The following COL24A1 variants were observed in gnomAD, a reference collection of about 807,000 sequenced individuals.
The protein encoded by COL24A1 is collagen type XXIV alpha 1 chain, also known as collagen alpha-1(XXIV) chain.
A neutral mutation model predicts 253.9 loss-of-function variants in COL24A1; 224 were observed. That is an observed-to-expected ratio of 0.88 (90% CI 0.79 to 0.99). The LOEUF (loss-of-function observed/expected upper bound fraction) is 0.99, where lower values mean the gene tolerates loss of function less well. Ranked by LOEUF, COL24A1 falls within the 50% of genes least tolerant of loss-of-function variation. The probability of loss-of-function intolerance (pLI) is 0.00; values close to 1 mark genes in which losing one functional copy is unlikely to be tolerated. For synonymous variants in COL24A1, 685 were observed against 673.7 expected (o/e 1.02, Z -0.26); for missense variants, 2,131 against 2,068.5 (o/e 1.03, Z -0.59).
In COL24A1 at chr1:85,966,374, G is replaced by GT. The variant is rs1571399945; in HGVS notation, c.2464-1313_2464-1312insA. The stretch of plus-strand genomic sequence containing the variant: ...TGTGGTAGTTATTTATACAAGTCCA[G>GT]AATTTAACTGGATCAGTTAAATTCT... On this transcript the variant is annotated intron_variant, in intron 22 of 59. Transcript: ENST00000370571. Among the ~76,000 whole-genome samples the GT allele has an allele frequency of 2.0e-5, 3 of 152,164 alleles. No homozygotes were observed. In the East Asian group the frequency reaches 5.8e-4, roughly 29 times the overall value.
intron 24 of COL24A1, among the ~76,000 whole-genome samples, chr1:85,941,144 A>T (rs935184135): frequency 2.0e-5 from 3 of 152,160 alleles, no homozygotes; most frequent in Admixed American, 2.0e-4. Flanking sequence ...ACTAGCAGGA[A>T]TGTTAAGAGA....
At chr1:86,026,459 C>T (rs961088162) in intron 14 of COL24A1, among the ~76,000 whole-genome samples, 1 of 152,170 alleles carries the variant, frequency 6.6e-6, no homozygotes, top group Admixed American at 6.5e-5. Flanking sequence ...GAGTGAGGCT[C>T]ATGAAATCTG....
intron 7 of COL24A1, among the ~76,000 whole-genome samples, chr1:86,072,177 A>T (rs1433987529): frequency 1.3e-5 from 2 of 152,112 alleles, no homozygotes; most frequent in Non-Finnish European, 2.9e-5. Context: ...ACTCCCCTGG[A>T]AAGGAGGCTG....
At chr1:85,832,550 A>G (rs1177152750) in intron 43 of COL24A1, among the ~76,000 whole-genome samples, 1 of 150,466 alleles carries the variant, frequency 6.6e-6, no homozygotes, top group Non-Finnish European at 1.5e-5. Flanking sequence ...GATTCTTCCT[A>G]CCCATGAGCA....
intron 37 of COL24A1, among the ~76,000 whole-genome samples, chr1:85,851,353 G>A (rs546797027): frequency 3.3e-5 from 5 of 151,886 alleles, no homozygotes; most frequent in Admixed American, 6.6e-5. Flanking sequence ...TATTTTTCCC[G>A]TTGGTTAATG....
intron 2 of COL24A1, among the ~76,000 whole-genome samples, chr1:86,136,655 A>G (rs945462934): frequency 3.3e-5 from 5 of 152,054 alleles, no homozygotes; most frequent in South Asian, 2.1e-4. Flanking sequence ...TTTGAGCCCA[A>G]TCAATATGGC....
chr1:85,827,813 CT>C (rs1220330026), intron 43 of COL24A1, among the ~76,000 whole-genome samples: 1 of 151,790 alleles, frequency 6.6e-6, no homozygotes, highest in Non-Finnish European at 1.5e-5. Context: ...ATTCTTCTCT[CT>C]TTTCTTTATT....
At chr1:86,041,298 A>T (rs1400139057) in intron 12 of COL24A1, among the ~76,000 whole-genome samples, 1 of 152,286 alleles carries the variant, frequency 6.6e-6, no homozygotes, top group East Asian at 1.9e-4. Flanking sequence ...GGGTCTGAAA[A>T]ATTCCTTGAA....
chr1:85,887,781 C>T lies in COL24A1; in HGVS notation c.2976+1779G>A, dbSNP rs1682682119. The stretch of plus-strand genomic sequence containing the variant: ...TTACATGTCTGATTTTCCTCTTATT[C>T]TCTCAGTTTCTTGTGCAGTTTCAAC... On this transcript the variant is annotated intron_variant, in intron 32 of 59. Transcript: ENST00000370571. 3.9e-5 allele frequency among the ~76,000 whole-genome samples: 6 copies of T among 152,000 alleles called. No homozygotes were observed. In the South Asian group the frequency reaches 1.2e-3, roughly 31 times the overall value.
intron 45 of COL24A1, among the ~76,000 whole-genome samples, chr1:85,819,742 A>C (rs1673412976): frequency 6.6e-6 from 1 of 152,150 alleles, no homozygotes; most frequent in Admixed American, 6.5e-5. Flanking sequence ...CAAGCTGGGG[A>C]AAGGGAAAAG....
At chr1:85,853,410 G>T (rs922954969) in intron 37 of COL24A1, among the ~76,000 whole-genome samples, 1 of 152,058 alleles carries the variant, frequency 6.6e-6, no homozygotes, top group African/African-American at 2.4e-5. Context: ...CTTTGCTATT[G>T]TGAATGGTGC....
chr1:86,125,292 G>A lies in COL24A1; in HGVS notation c.1044C>T (p.Ser348=). The change falls in exon 3 of 60, where the codon AGC becomes AGT. Residue 348 remains serine (S), a synonymous_variant. Coordinates refer to ENST00000370571, the MANE Select transcript of COL24A1 (RefSeq NM_152890.7). ...ITEEDTQTNF[S]LSVTTHRISE... is the part of the protein sequence containing the mutation. ...TGATGCGATGAGTGGTCACTGACAG[G>A]CTGAAATTTGTCTGAGTATCTTCCT... 1 of 1,613,558 alleles carries A rather than the reference G, an allele frequency of 6.2e-7. No homozygotes were observed.
chr1:86,095,440 G>A (rs561405233), intron 5 of COL24A1, among the ~76,000 whole-genome samples: 137 of 152,132 alleles, frequency 9.0e-4, no homozygotes, highest in Middle Eastern at 3.4e-3. Flanking sequence ...TGGAGGAAAT[G>A]CTCTTAACTT....
chr1:85,928,431 G>T lies in COL24A1; in HGVS notation c.2563-16998C>A, dbSNP rs1386750477. 5.6e-5 allele frequency among the ~76,000 whole-genome samples: 3 copies of T among 53,940 alleles called. 1 individual carries two copies. Among genetic ancestry groups the T allele is most frequent in the African/African-American group, 2.3e-4 (3 of 12,818 alleles). 35.4% of individuals were successfully genotyped at this position (53,940 alleles called of 152,430 possible). A position where few individuals can be genotyped will look rare whatever the true frequency, so the allele number is the denominator to read the frequency against. On this transcript the variant is annotated intron_variant, in intron 24 of 59. Coordinates refer to ENST00000370571, the MANE Select transcript of COL24A1 (RefSeq NM_152890.7). ...AACCCTCCAAGAAATATGGGACTATGTGAAAAGACCAAATCTACATCTGAT... is the reference window on the plus strand; with the variant it reads ...AACCCTCCAAGAAATATGGGACTATTTGAAAAGACCAAATCTACATCTGAT...
intron 3 of COL24A1, 71 bp downstream of exon 3, chr1:86,124,774 A>G: frequency 8.2e-7 from 1 of 1,223,964 alleles, no homozygotes; most frequent in Non-Finnish European, 1.1e-6. Flanking sequence ...AACTCTCTTT[A>G]AAATGTATTT....
chr1:85,899,272 C>A (rs1376195690), intron 28 of COL24A1, among the ~76,000 whole-genome samples: 1 of 152,130 alleles, frequency 6.6e-6, no homozygotes, highest in African/African-American at 2.4e-5. Context: ...GAGTGGTCAA[C>A]ATTCTAAAAT....
intron 14 of COL24A1, among the ~76,000 whole-genome samples, chr1:86,024,617 C>A (rs975225426): frequency 1.3e-5 from 2 of 152,180 alleles, no homozygotes; most frequent in African/African-American, 4.8e-5. Context: ...AAGGGTAATA[C>A]TTTCCAACTT....
At chr1:85,779,539 T>C (rs1668939737) in intron 52 of COL24A1, among the ~76,000 whole-genome samples, 1 of 152,176 alleles carries the variant, frequency 6.6e-6, no homozygotes, top group South Asian at 2.1e-4. Context: ...TTGGATGAGA[T>C]AATTGAGTCG....
chr1:85,971,095 G>A (rs1315080030), intron 21 of COL24A1, among the ~76,000 whole-genome samples: 2 of 152,064 alleles, frequency 1.3e-5, no homozygotes, highest in Admixed American at 1.3e-4. Flanking sequence ...TGTAGTCCCA[G>A]CTACTTGGGA....
Sources: allele counts gnomAD v4.1 joint callset (sites outside exome capture counted in the v4.1 genomes callset), GRCh38; gene constraint gnomAD v4.1.1; transcripts MANE v1.5; gene names NCBI Gene and HGNC (gene_info 2026-07-23, HGNC 2026-07-21).